ARHGEF18: variants seen among roughly 807,000 people sequenced by gnomAD.
ARHGEF18 encodes the protein Rho/Rac guanine nucleotide exchange factor 18.
ARHGEF18 carries 93 observed loss-of-function variants against 155.7 expected under a neutral mutation model. The observed-to-expected ratio is 0.60, with a 90% CI of 0.50 to 0.71. The LOEUF (loss-of-function observed/expected upper bound fraction) is 0.71. Among genes scored for constraint, ARHGEF18 ranks in the 30% least tolerant of loss-of-function variants. The pLI is 0.00. For synonymous variants in ARHGEF18, 742 were observed against 753.1 expected (o/e 0.99, Z 0.24); for missense variants, 1,593 against 1,816.1 (o/e 0.88, Z 2.23).
chr19:7,372,764 C>T (rs1970263301), intron 2 of ARHGEF18, 48 bp from the exon 3 acceptor site: 1 of 1,233,920 alleles, frequency 8.1e-7, no homozygotes, highest in South Asian at 4.1e-5. Context: ...GGTTCTGCTG[C>T]CCCTTGGTCA....
At position 7,458,321 on chromosome 19, in the gene ARHGEF18, GGT is replaced by G. The variant is rs1975980976; in HGVS notation, c.2182-190_2182-189del. ...TTAAAAAAAAAAAAAAAAAAAAAAAGGTTTCTAGGATTTCACTGCAATAGTAT... is the reference window on the plus strand; with the variant it reads ...TTAAAAAAAAAAAAAAAAAAAAAAAGTTCTAGGATTTCACTGCAATAGTAT... On this transcript the variant is annotated intron_variant, in intron 18 of 28. Coordinates refer to ENST00000668164, the MANE Select transcript of ARHGEF18 (RefSeq NM_001367823.1). Among the ~76,000 whole-genome samples, 10 of 132,864 alleles carry G rather than the reference GGT, an allele frequency of 7.5e-5. No individual in the cohort carries two copies. The South Asian group carries it at 2.5e-3, about 33-fold the overall frequency. The allele number at this position is 132,864 out of a possible 152,430, so 87.2% of individuals were successfully genotyped here. A position where few individuals can be genotyped will look rare whatever the true frequency, so the allele number is the denominator to read the frequency against.
At chr19:7,430,369 T>C (rs1487285399) in intron 10 of ARHGEF18, among the ~76,000 whole-genome samples, 2 of 16,596 alleles carry the variant, frequency 1.2e-4, no homozygotes. Context: ...GCCTGGCTAA[T>C]TTTTTTTTTT....
At chr19:7,412,964 C>G in intron 10 of ARHGEF18, among the ~76,000 whole-genome samples, 1 of 152,004 alleles carries the variant, frequency 6.6e-6, no homozygotes, top group East Asian at 1.9e-4. Context: ...AGTCCCCTTA[C>G]TAGTTGCATC....
At chr19:7,472,940 G>C, downstream of ARHGEF18, 1 of 455,054 alleles carries the variant, frequency 2.2e-6, no homozygotes, top group Non-Finnish European at 4.4e-6. Context: ...GACCTCAAGT[G>C]ATCTGCCCGC....
chr19:7,351,793 C>T (rs574234376), intron 1 of ARHGEF18, among the ~76,000 whole-genome samples: 72 of 150,888 alleles, frequency 4.8e-4, no homozygotes, highest in Non-Finnish European at 7.8e-4. Flanking sequence ...CTCCTGGGTT[C>T]AAGCAGTTCT....
intron 3 of ARHGEF18, among the ~76,000 whole-genome samples, chr19:7,375,399 A>AAAGGAAGGAAGG (rs1417717442): frequency 6.6e-6 from 1 of 151,090 alleles, no homozygotes; most frequent in Non-Finnish European, 1.5e-5. Flanking sequence ...AGGAAGGAAG[A>AAAGGAAGGAAGG]AAGGAAGGAA....
At chr19:7,448,377 G>A (rs939954423) in intron 15 of ARHGEF18, among the ~76,000 whole-genome samples, 3 of 152,108 alleles carry the variant, frequency 2.0e-5, no homozygotes, top group East Asian at 3.9e-4. Flanking sequence ...TTAGCCAGGC[G>A]TAGGCCGGGC....
intron 10 of ARHGEF18, among the ~76,000 whole-genome samples, chr19:7,385,253 G>A (rs2145467342): frequency 6.6e-6 from 1 of 152,282 alleles, no homozygotes; most frequent in East Asian, 1.9e-4. Context: ...AACAGCTCCA[G>A]GCTGAGCTGA....
chr19:7,402,149 A>G (rs145071480), intron 10 of ARHGEF18, among the ~76,000 whole-genome samples: 1,613 of 152,276 alleles, frequency 0.011, 21 homozygotes, highest in African/African-American at 0.025. Context: ...GGCTGGGCGC[A>G]GTGGCTCATG....
chr19:7,451,047 A>T lies in ARHGEF18; in HGVS notation c.1738-102A>T, dbSNP rs1225359925. 17 of 1,058,866 alleles carry T rather than the reference A, an allele frequency of 1.6e-5. No homozygotes were observed. In the African/African-American group the frequency reaches 2.5e-4, roughly 16 times the overall value. 65.6% of individuals were successfully genotyped at this position (1,058,866 alleles called of 1,614,324 possible). A position where few individuals can be genotyped will look rare whatever the true frequency, so the allele number is the denominator to read the frequency against. On this transcript the variant is annotated intron_variant, in intron 15 of 28. Transcript: ENST00000668164. Reference sequence around the variant, plus strand: ...TGGGATCTTGCTGTCCATTTCCGAGATGTTAATGCGGGATCTTGCTGTCCG... The same window carrying T: ...TGGGATCTTGCTGTCCATTTCCGAGTTGTTAATGCGGGATCTTGCTGTCCG...
rs550741157 is a variant in ARHGEF18, at chr19:7,381,610, G to A, written c.722+616G>A. On this transcript the variant is annotated intron_variant, in intron 8 of 28. Transcript: ENST00000668164. ...GGACAATCACTTGAACCCAGGAGGC[G>A]GAGGTTGCAGTGAGCCAAGATCACG... 5.9e-5 allele frequency among the ~76,000 whole-genome samples: 9 copies of A among 151,964 alleles called. No homozygotes were observed. In the East Asian group the frequency reaches 1.4e-3, roughly 23 times the overall value.
rs530393058 is a variant in ARHGEF18, at chr19:7,369,952, T to A, written c.16-2860T>A. ...CGGCTCACGCTTGTAACCCCAGCAC[T>A]TTCGGAGGCTGAGCGGGGAGGATCA... On this transcript the variant is annotated intron_variant, in intron 2 of 28. Coordinates refer to ENST00000668164, the MANE Select transcript of ARHGEF18 (RefSeq NM_001367823.1). 9.2e-5 allele frequency among the ~76,000 whole-genome samples: 14 copies of A among 152,098 alleles called. No homozygotes were observed. The East Asian group carries it at 2.7e-3, about 29-fold the overall frequency.
chr19:7,478,234 G>A, the ARHGEF18 span: 1 of 1,473,558 alleles, frequency 6.8e-7, no homozygotes, highest in Non-Finnish European at 9.3e-7. Flanking sequence ...GCATGGGCCT[G>A]CACAGGGGTG....
chr19:7,458,723 G>A (rs1393552623), intron 19 of ARHGEF18, 33 bp downstream of exon 19: 3 of 1,584,018 alleles, frequency 1.9e-6, no homozygotes, highest in African/African-American at 1.3e-5. Context: ...CCCACCCACT[G>A]TGTTCCTTCC....
intron 1 of ARHGEF18, among the ~76,000 whole-genome samples, chr19:7,362,080 A>AAGG (rs1331525492): frequency 5.1e-5 from 1 of 19,674 alleles, no homozygotes; most frequent in Non-Finnish European, 9.6e-5. Context: ...GGAGAAGGAG[A>AAGG]AGGAGAAGGA....
At chr19:7,428,814 C>A (rs1486711827) in intron 10 of ARHGEF18, among the ~76,000 whole-genome samples, 1 of 152,214 alleles carries the variant, frequency 6.6e-6, no homozygotes, top group Non-Finnish European at 1.5e-5. Flanking sequence ...CCGCCCTGCC[C>A]GACTGCATCC....
intron 2 of ARHGEF18, among the ~76,000 whole-genome samples, chr19:7,366,730 G>A (rs772052902): frequency 3.3e-5 from 5 of 152,112 alleles, no homozygotes; most frequent in Non-Finnish European, 7.4e-5. Context: ...CAGAGGAAGG[G>A]TCCTGACTCC....
Position 7,395,048 on chromosome 19 carries a change from A to ACGCCTCCTTCCGGGTCACGCCCTCTGCCC in ARHGEF18, c.967+11853_967+11881dup. On this transcript the variant is annotated intron_variant, in intron 10 of 28. Transcript: ENST00000668164. The surrounding 1 kb of genome is among the most constrained non-coding windows in gnomAD (Gnocchi z 5.0). Reference sequence around the variant, plus strand: ...CCGGGAGCGCCCCGCCCTCGAGGGCACGCCTCCTTCCGGGTCACGCCCTCT... The same window carrying ACGCCTCCTTCCGGGTCACGCCCTCTGCCC: ...CCGGGAGCGCCCCGCCCTCGAGGGCACGCCTCCTTCCGGGTCACGCCCTCTGCCCCGCCTCCTTCCGGGTCACGCCCTCT... The ACGCCTCCTTCCGGGTCACGCCCTCTGCCC allele has an allele frequency of 1.0e-6, 1 of 985,156 alleles. No homozygotes were observed. Among genetic ancestry groups the ACGCCTCCTTCCGGGTCACGCCCTCTGCCC allele is most frequent in the Non-Finnish European group, 1.2e-6 (1 of 829,774 alleles). 61.0% of individuals were successfully genotyped at this position (985,156 alleles called of 1,614,324 possible).
chr19:7,477,806 GAC>G, the ARHGEF18 span, among the ~76,000 whole-genome samples: 6 of 152,230 alleles, frequency 3.9e-5, no homozygotes, highest in African/African-American at 2.4e-5. Flanking sequence ...TTATCAGGAT[GAC>G]ACAGTGACGA....
Sources: allele counts gnomAD v4.1 joint callset (sites outside exome capture counted in the v4.1 genomes callset), GRCh38; gene constraint gnomAD v4.1.1; non-coding constraint Gnocchi (gnomAD v3.1); transcripts MANE v1.5; gene names NCBI Gene and HGNC (gene_info 2026-07-23, HGNC 2026-07-21).